SGCD: variants seen among roughly 807,000 people sequenced by gnomAD.
The protein encoded by SGCD is delta-sarcoglycan.
Under a neutral mutation model 36.6 loss-of-function variants are expected in SGCD, and 18 were observed. The observed-to-expected ratio is 0.49, with a 90% CI of 0.34 to 0.73. The LOEUF (loss-of-function observed/expected upper bound fraction) is 0.73. SGCD is among the 30% of genes least tolerant of loss of function. The pLI is 0.01. For synonymous variants in SGCD, 133 were observed against 130.6 expected, an observed-to-expected ratio of 1.02 and a Z score of -0.12; for missense variants, 387 against 346.7, an observed-to-expected ratio of 1.12 and a Z score of -0.92.
At chr5:156,005,050 C>T (rs1440347362) in intron 1 of SGCD, among the ~76,000 whole-genome samples, 1 of 152,144 alleles carries the variant, frequency 6.6e-6, no homozygotes, top group African/African-American at 2.4e-5. Flanking sequence ...CCGAAGTAGG[C>T]TAGGAAGAGA....
chr5:155,957,020 T>C (rs1397637046), intron 1 of SGCD, among the ~76,000 whole-genome samples: 3 of 151,974 alleles, frequency 2.0e-5, no homozygotes, highest in Non-Finnish European at 4.4e-5. Context: ...ACAGTATGTA[T>C]GGGGAAAATA....
intron 6 of SGCD, among the ~76,000 whole-genome samples, chr5:156,608,093 A>G (rs1363560321): frequency 6.6e-6 from 1 of 152,006 alleles, no homozygotes; most frequent in African/African-American, 2.4e-5. Context: ...TAGTTTTTGA[A>G]TGTGTTTGCT....
In SGCD at chr5:156,589,228, C is replaced by G; in HGVS notation, c.295-3C>G. ...ATGTCTTTCTCTTATTTTCTTATTGCAGGGTAATGCCCTGTACTTCAAGTC... is the reference window on the plus strand; with the variant it reads ...ATGTCTTTCTCTTATTTTCTTATTGGAGGGTAATGCCCTGTACTTCAAGTC... On this transcript the variant is annotated splice_polypyrimidine_tract_variant and splice_region_variant and intron_variant, in intron 4 of 8. Transcript: ENST00000337851. The G allele has an allele frequency of 6.5e-7, 1 of 1,542,826 alleles. No homozygotes were observed. The highest frequency in any genetic ancestry group is 8.8e-7 in the Non-Finnish European group (1 of 1,134,464).
chr5:156,723,739 TA>T (rs1352527382), intron 7 of SGCD, among the ~76,000 whole-genome samples: 2 of 152,040 alleles, frequency 1.3e-5, no homozygotes, highest in African/African-American at 4.8e-5. Context: ...TGATCAAGGT[TA>T]GAGATCAGAG....
At chr5:156,102,875 C>A (rs1049323927) in intron 1 of SGCD, among the ~76,000 whole-genome samples, 1 of 152,066 alleles carries the variant, frequency 6.6e-6, no homozygotes, top group African/African-American at 2.4e-5. Context: ...TATAAATATA[C>A]ACATAACACA....
Position 156,762,087 on chromosome 5 carries a change from T to A in SGCD, c.*2697T>A, listed in dbSNP as rs146249602. The A allele has an allele frequency of 6.6e-6, 1 of 152,460 alleles. No individual in the cohort carries two copies. Among genetic ancestry groups the A allele is most frequent in the Non-Finnish European group, 1.5e-5 (1 of 67,998 alleles). 9.4% of individuals were successfully genotyped at this position (152,460 alleles called of 1,614,324 possible). ...ATTTGTCAGTGGTCAAGAGAAAAAA[T>A]TTTACCTGAATTCTTGGGGGCCGGC... On this transcript the variant is annotated 3_prime_UTR_variant, in exon 9 of 9. Transcript: ENST00000337851.
chr5:156,709,572 T>C (rs1196951201), intron 7 of SGCD, among the ~76,000 whole-genome samples: 1 of 152,176 alleles, frequency 6.6e-6, no homozygotes, highest in African/African-American at 2.4e-5. Flanking sequence ...TTCAGAGTGA[T>C]ATGAAAAGGA....
At chr5:156,378,088 A>G (rs1186196013) in intron 3 of SGCD, among the ~76,000 whole-genome samples, 2 of 152,216 alleles carry the variant, frequency 1.3e-5, no homozygotes, top group Admixed American at 1.3e-4. Flanking sequence ...GACAGAAGGT[A>G]GAGCAACCCA....
intron 4 of SGCD, among the ~76,000 whole-genome samples, chr5:156,556,154 G>A (rs61007781): frequency 4.5e-4 from 67 of 148,564 alleles, no homozygotes; most frequent in African/African-American, 1.2e-3. Context: ...TTAGAGATAC[G>A]CTCAGAGTCA....
chr5:156,546,826 A>G (rs1456775628), intron 4 of SGCD, among the ~76,000 whole-genome samples: 1 of 152,222 alleles, frequency 6.6e-6, no homozygotes, highest in African/African-American at 2.4e-5. Flanking sequence ...ATTTAAGCAA[A>G]GAAATAGCAT....
At chr5:156,112,233 T>C (rs1761805208) in intron 1 of SGCD, among the ~76,000 whole-genome samples, 1 of 152,212 alleles carries the variant, frequency 6.6e-6, no homozygotes, top group Non-Finnish European at 1.5e-5. Flanking sequence ...TCGTGTAAGT[T>C]CATGAGCATC....
chr5:156,353,017 A>G (rs142420631), intron 3 of SGCD, among the ~76,000 whole-genome samples: 9 of 152,338 alleles, frequency 5.9e-5, no homozygotes, highest in African/African-American at 2.2e-4. Flanking sequence ...ACTGAGGGTC[A>G]GAGGAAGGCA....
the SGCD span, among the ~76,000 whole-genome samples, chr5:155,849,191 G>C: frequency 6.6e-6 from 1 of 152,146 alleles, no homozygotes; most frequent in Admixed American, 6.5e-5. Flanking sequence ...TTCTCACAGT[G>C]TGAAAGCTCC....
At chr5:156,229,262 A>C (rs1021681986) in intron 3 of SGCD, among the ~76,000 whole-genome samples, 2 of 98,624 alleles carry the variant, frequency 2.0e-5, no homozygotes, top group African/African-American at 1.0e-4. Context: ...ACATACATAC[A>C]TATATATATA....
At chr5:155,908,659 A>G (rs1444343175) in intron 1 of SGCD, among the ~76,000 whole-genome samples, 1 of 152,128 alleles carries the variant, frequency 6.6e-6, no homozygotes, top group Non-Finnish European at 1.5e-5. Context: ...CTATTTCTGC[A>G]CTGGCTTTTG....
At chr5:156,089,695 G>A (rs1335067729) in intron 1 of SGCD, among the ~76,000 whole-genome samples, 1 of 152,204 alleles carries the variant, frequency 6.6e-6, no homozygotes, top group African/African-American at 2.4e-5. Flanking sequence ...CACACCCCTA[G>A]TGGGTGGGAG....
At chr5:155,838,386 T>C in the SGCD span, among the ~76,000 whole-genome samples, 1 of 152,208 alleles carries the variant, frequency 6.6e-6, no homozygotes, top group South Asian at 2.1e-4. Flanking sequence ...CCCTGCTCTG[T>C]TTTCTCATAA....
chr5:156,429,185 G>T (rs1278155372), intron 3 of SGCD, among the ~76,000 whole-genome samples: 6 of 149,900 alleles, frequency 4.0e-5, no homozygotes, highest in African/African-American at 1.5e-4. Flanking sequence ...GAGCTTAAGT[G>T]TTCGGTGCAT....
At chr5:156,592,549 C>G (rs1273542746) in intron 5 of SGCD, among the ~76,000 whole-genome samples, 1 of 152,062 alleles carries the variant, frequency 6.6e-6, no homozygotes, top group Non-Finnish European at 1.5e-5. Context: ...ATCTTATTTC[C>G]TGGCTCTTCC....
Sources: allele counts gnomAD v4.1 joint callset (sites outside exome capture counted in the v4.1 genomes callset), GRCh38; gene constraint gnomAD v4.1.1; transcripts MANE v1.5; gene names NCBI Gene and HGNC (gene_info 2026-07-23, HGNC 2026-07-21).